Variants in LDB2 observed in about 807,000 individuals in gnomAD.
The protein encoded by LDB2 is LIM domain-binding protein 2.
LDB2 carries 12 observed loss-of-function variants against 44.3 expected under a neutral mutation model. That is an observed-to-expected ratio of 0.27 (90% CI 0.17 to 0.44). The LOEUF (loss-of-function observed/expected upper bound fraction) is 0.44, where lower values mean the gene tolerates loss of function less well. Among genes scored for constraint, LDB2 ranks in the 20% least tolerant of loss-of-function variants. The probability of loss-of-function intolerance (pLI) is 1.00; values close to 1 mark genes in which losing one functional copy is unlikely to be tolerated. For missense variants in LDB2, 344 were observed against 473.5 expected (o/e 0.73, Z 2.54); for synonymous variants, 164 against 174.8 (o/e 0.94, Z 0.49).
chr4:16,548,334 G>C (rs1736473544), intron 5 of LDB2, among the ~76,000 whole-genome samples: 1 of 152,076 alleles, frequency 6.6e-6, no homozygotes, highest in Non-Finnish European at 1.5e-5. Flanking sequence ...TTCGCCCAAG[G>C]CTTCTGATCC....
intron 2 of LDB2, among the ~76,000 whole-genome samples, chr4:16,707,561 G>A (rs1754881334): frequency 6.6e-6 from 1 of 152,124 alleles, no homozygotes; most frequent in Admixed American, 6.6e-5. Flanking sequence ...TTTATTCAAT[G>A]CAATCTTCTC....
At chr4:16,674,130 A>C in intron 2 of LDB2, 1 of 737,974 alleles carries the variant, frequency 1.4e-6, no homozygotes, top group Non-Finnish European at 2.0e-6. Flanking sequence ...TTCCCTGAGA[A>C]TATTTCCCAT....
chr4:16,679,606 A>G (rs1192423262), intron 2 of LDB2, among the ~76,000 whole-genome samples: 1 of 152,286 alleles, frequency 6.6e-6, no homozygotes, highest in East Asian at 1.9e-4. Context: ...TGGGATTTGA[A>G]TGTCTGTGAG....
chr4:16,652,040 C>A (rs1026905479), intron 2 of LDB2, among the ~76,000 whole-genome samples: 2 of 152,022 alleles, frequency 1.3e-5, no homozygotes, highest in African/African-American at 4.8e-5. Context: ...AACCTGGAAC[C>A]CTTGGACTCA....
chr4:16,608,667 T>A (rs953392291), intron 2 of LDB2, among the ~76,000 whole-genome samples: 3 of 152,230 alleles, frequency 2.0e-5, no homozygotes, highest in African/African-American at 7.2e-5. Flanking sequence ...CACCGGACTT[T>A]CCGCCATTAT....
chr4:16,565,649 CAAAA>C (rs771713287), intron 5 of LDB2, among the ~76,000 whole-genome samples: 29 of 150,790 alleles, frequency 1.9e-4, no homozygotes, highest in Admixed American at 6.6e-4. Context: ...TATAATTAGA[CAAAA>C]GAAAGAAATA....
intron 2 of LDB2, among the ~76,000 whole-genome samples, chr4:16,597,700 T>C (rs1364856285): frequency 6.6e-6 from 1 of 152,166 alleles, no homozygotes; most frequent in Non-Finnish European, 1.5e-5. Context: ...CACCATTGGA[T>C]TAGTAACATT....
At chr4:16,572,267 A>G (rs891034931) in intron 5 of LDB2, among the ~76,000 whole-genome samples, 4 of 152,150 alleles carry the variant, frequency 2.6e-5, no homozygotes, top group African/African-American at 9.7e-5. Context: ...ACAATTGGGA[A>G]GACTGTTTCC....
At chr4:16,802,396 T>C (rs970700074) in intron 1 of LDB2, among the ~76,000 whole-genome samples, 2 of 152,142 alleles carry the variant, frequency 1.3e-5, no homozygotes, top group African/African-American at 4.8e-5. Context: ...ACAAGCAGCC[T>C]GGAGTGAGGA....
At chr4:16,536,514 G>GAAAC (rs1731924375) in intron 5 of LDB2, among the ~76,000 whole-genome samples, 2 of 152,222 alleles carry the variant, frequency 1.3e-5, no homozygotes, top group Non-Finnish European at 2.9e-5. Context: ...TCCTTCAGGG[G>GAAAC]AAACAGACAA....
chr4:16,806,734 G>C (rs1471823420), intron 1 of LDB2, among the ~76,000 whole-genome samples: 1 of 152,192 alleles, frequency 6.6e-6, no homozygotes, highest in African/African-American at 2.4e-5. Flanking sequence ...TTAGGGTTGA[G>C]TGGAAATGTT....
chr4:16,714,052 T>C (rs1756507573), intron 2 of LDB2, among the ~76,000 whole-genome samples: 1 of 152,230 alleles, frequency 6.6e-6, no homozygotes, highest in African/African-American at 2.4e-5. Context: ...AACAGCTTCC[T>C]TCTGACAAGT....
intron 5 of LDB2, among the ~76,000 whole-genome samples, chr4:16,516,770 C>T (rs1723895884): frequency 6.6e-6 from 1 of 152,192 alleles, no homozygotes; most frequent in Non-Finnish European, 1.5e-5. Context: ...CAAAATTTAT[C>T]CCTTTCCCTT....
chr4:16,685,803 C>G (rs553358930), intron 2 of LDB2, among the ~76,000 whole-genome samples: 95 of 152,278 alleles, frequency 6.2e-4, no homozygotes, highest in African/African-American at 2.2e-3. Flanking sequence ...AATCCCAGCA[C>G]TTTTGGAGGC....
chr4:16,722,093 C>T (rs761004773), intron 2 of LDB2, among the ~76,000 whole-genome samples: 5 of 152,150 alleles, frequency 3.3e-5, no homozygotes, highest in African/African-American at 4.8e-5. Context: ...ACCTAAGAGA[C>T]GGCAGGCAAA....
intron 5 of LDB2, among the ~76,000 whole-genome samples, chr4:16,523,619 G>A (rs1376697312): frequency 6.6e-6 from 1 of 151,964 alleles, no homozygotes; most frequent in African/African-American, 2.4e-5. Context: ...TGTGTATCCA[G>A]GCTACTCAGG....
chr4:16,836,963 C>T (rs1235242105), intron 1 of LDB2, among the ~76,000 whole-genome samples: 1 of 152,182 alleles, frequency 6.6e-6, no homozygotes, highest in African/African-American at 2.4e-5. Context: ...ATATTACACA[C>T]ACTGAACTGC....
At chr4:16,593,638 A>C (rs1719886271) in intron 3 of LDB2, among the ~76,000 whole-genome samples, 1 of 152,228 alleles carries the variant, frequency 6.6e-6, no homozygotes, top group Non-Finnish European at 1.5e-5. Context: ...ATTCATTTCA[A>C]GAGTCGGCAA....
intron 2 of LDB2, among the ~76,000 whole-genome samples, chr4:16,613,671 A>G (rs974932999): frequency 2.6e-5 from 4 of 152,128 alleles, no homozygotes; most frequent in South Asian, 2.1e-4. Flanking sequence ...AGTCATAATC[A>G]CTACAAAGAG....
Sources: allele counts gnomAD v4.1 joint callset (sites outside exome capture counted in the v4.1 genomes callset), GRCh38; gene constraint gnomAD v4.1.1; transcripts MANE v1.5; gene names NCBI Gene and HGNC (gene_info 2026-07-23, HGNC 2026-07-21).